Variants in ARVCF observed in about 807,000 individuals in gnomAD.
The protein encoded by ARVCF is ARVCF delta catenin family member.
In ARVCF, 66 loss-of-function variants were observed where a neutral mutation model predicts 90.9. The observed-to-expected ratio is 0.73, with a 90% CI of 0.60 to 0.89. ARVCF has a LOEUF of 0.89. Among genes scored for constraint, ARVCF ranks in the 40% least tolerant of loss-of-function variants. ARVCF has a pLI of 0.00. For synonymous variants in ARVCF, 653 were observed against 603.4 expected, an observed-to-expected ratio of 1.08 and a Z score of -1.21; for missense variants, 1,469 against 1,382.3, an observed-to-expected ratio of 1.06 and a Z score of -1.00.
rs1433662672 is a variant in ARVCF, at chr22:19,978,164, A to G, written c.1581-89T>C. 5.1e-6 allele frequency: 6 copies of G among 1,176,520 alleles called. No homozygotes were observed. In the East Asian group the frequency reaches 1.5e-4, roughly 29 times the overall value. 72.9% of individuals were successfully genotyped at this position (1,176,520 alleles called of 1,614,324 possible). ...CCTTGTGGGCTTGTCTTCATCTGCA[A>G]AATAGGCCCTGCTGCTGCCCTCCTA... On this transcript the variant is annotated intron_variant, in intron 7 of 19. Coordinates refer to ENST00000263207, the MANE Select transcript of ARVCF (RefSeq NM_001670.3).
At position 19,981,551 on chromosome 22, in the gene ARVCF, C is replaced by T. The variant is rs751795468; in HGVS notation, c.556G>A (p.Gly186Arg). 1.3e-5 allele frequency: 21 copies of T among 1,593,986 alleles called. No individual in the cohort carries two copies. Among genetic ancestry groups the T allele is most frequent in the African/African-American group, 4.0e-5 (3 of 74,474 alleles). ...ATLSRAYLSS[G>R]GGFPEGPEPR... is the part of the protein sequence containing the mutation. The stretch of plus-strand genomic sequence containing the variant: ...TCGGGGCCTTCGGGAAAGCCACCCC[C>T]ACTGCTGAGGTAGGCTCGAGAGAGT... The change falls in exon 5 of 20, where the codon GGG (glycine) becomes AGG (arginine). Residue 186 changes from glycine (G) to arginine (R), a missense_variant. Physicochemically the swap from Gly to Arg is moderately radical, Grantham distance 125. Transcript: ENST00000263207.
At chr22:19,971,715 GT>G (rs1942805041) in intron 18 of ARVCF, among the ~76,000 whole-genome samples, 170 bp downstream of exon 18, 1 of 152,196 alleles carries the variant, frequency 6.6e-6, no homozygotes, top group South Asian at 2.1e-4. Context: ...CTGCAAACTT[GT>G]CAGTACCCAC....
intron 7 of ARVCF, 36 bp downstream of exon 7, chr22:19,978,860 TG>T: frequency 6.3e-7 from 1 of 1,584,010 alleles, no homozygotes; most frequent in Non-Finnish European, 8.6e-7. Flanking sequence ...CGGGGCCTGG[TG>T]TGCATGTGGG....
At chr22:19,971,375 GGTTA>G (rs75014374) in intron 18 of ARVCF, 40 bp from the exon 19 acceptor site, 38,573 of 1,533,694 alleles carry the variant, frequency 0.025, 574 homozygotes, top group Middle Eastern at 0.048. Context: ...CAATAGAGCA[GGTTA>G]GTTAGAGCTC....
chr22:20,013,470 G>A (rs375399559), intron 1 of ARVCF, among the ~76,000 whole-genome samples: 2 of 152,286 alleles, frequency 1.3e-5, no homozygotes, highest in African/African-American at 2.4e-5. Flanking sequence ...CCAACTCCAC[G>A]CCCTCAATAG....
At chr22:20,000,152 G>A (rs1248986895) in intron 2 of ARVCF, among the ~76,000 whole-genome samples, 1 of 152,188 alleles carries the variant, frequency 6.6e-6, no homozygotes, top group Non-Finnish European at 1.5e-5. Context: ...GACCCAGCAT[G>A]AAGTAGAGCC....
intron 2 of ARVCF, among the ~76,000 whole-genome samples, chr22:19,991,469 G>A (rs73880056): frequency 0.018 from 2,775 of 152,368 alleles, 70 homozygotes; most frequent in African/African-American, 0.052. Context: ...AGTAAAAACT[G>A]AGGACAAGCC....
intron 2 of ARVCF, among the ~76,000 whole-genome samples, chr22:20,004,964 C>T (rs971321729): frequency 5.3e-5 from 8 of 152,162 alleles, no homozygotes; most frequent in African/African-American, 1.9e-4. Context: ...GGAAAGTCTT[C>T]ATGACACTGG....
At chr22:19,978,181 G>A in intron 7 of ARVCF, 106 bp from the exon 8 acceptor site, 2 of 977,884 alleles carry the variant, frequency 2.0e-6, no homozygotes, top group Non-Finnish European at 1.5e-6. Context: ...CCCTGCTGCT[G>A]CCCTCCTAGC....
At chr22:19,973,583 G>T in intron 13 of ARVCF, 60 bp downstream of exon 13, 1 of 1,555,062 alleles carries the variant, frequency 6.4e-7, no homozygotes. Context: ...CCCTCCGATG[G>T]GACCCCAAAG....
chr22:19,974,599 C>T (rs1358032339), intron 11 of ARVCF, among the ~76,000 whole-genome samples: 1 of 152,020 alleles, frequency 6.6e-6, no homozygotes, highest in Non-Finnish European at 1.5e-5. Flanking sequence ...GTAATAGGGC[C>T]CACCCTCCCT....
rs746878504 is a variant in ARVCF at position 19,973,236 on chromosome 22, T to G, written c.2321A>C (p.Asp774Ala). ...GGTGTTGAGCACCGCCACCACGGTG[T>G]CTTCCTCCAGGCAGGCCCCCGGTCG... ...PPRPGACLEE[D>A]TVVAVLNTIH... Residue 774 changes from aspartate to alanine, a missense_variant, in exon 14 of 20, where the codon GAC becomes GCC. By Grantham distance (126) the Asp-to-Ala change is moderately radical. Transcript: ENST00000263207. The G allele has an allele frequency of 3.7e-6, 6 of 1,610,834 alleles. No homozygotes were observed. Among genetic ancestry groups the G allele is most frequent in the Non-Finnish European group, 5.1e-6 (6 of 1,179,282 alleles).
At chr22:19,993,566 T>A (rs1254063837) in intron 2 of ARVCF, among the ~76,000 whole-genome samples, 1 of 152,202 alleles carries the variant, frequency 6.6e-6, no homozygotes, top group Non-Finnish European at 1.5e-5. Context: ...TGGCCTCCCC[T>A]AACCTGGTAA....
Position 19,979,727 on chromosome 22 carries a change from G to C in ARVCF, c.1396+16C>G. On this transcript the variant is annotated intron_variant, in intron 6 of 19. Transcript: ENST00000263207. ...TCTCTTCCCAGGGGATGTGAGCATG[G>C]CCAGGTCCCACTCACCAGTGACAAG... 1 of 1,583,158 alleles carries C rather than the reference G, an allele frequency of 6.3e-7. No individual in the cohort carries two copies. Among genetic ancestry groups the C allele is most frequent in the Non-Finnish European group, 8.6e-7 (1 of 1,160,770 alleles).
intron 1 of ARVCF, among the ~76,000 whole-genome samples, chr22:20,014,288 C>T (rs1362624826): frequency 2.0e-5 from 3 of 151,956 alleles, no homozygotes; most frequent in Admixed American, 6.6e-5. Flanking sequence ...CTCACCTCCC[C>T]GGTTCAAGCG....
At chr22:19,992,564 G>A (rs767865503) in intron 2 of ARVCF, among the ~76,000 whole-genome samples, 6 of 152,156 alleles carry the variant, frequency 3.9e-5, no homozygotes, top group East Asian at 1.9e-4. Context: ...CGGCCAGGGC[G>A]GATGGCAGGG....
At chr22:19,985,374 G>C (rs533075882) in intron 3 of ARVCF, among the ~76,000 whole-genome samples, 1 of 152,330 alleles carries the variant, frequency 6.6e-6, no homozygotes, top group South Asian at 2.1e-4. Context: ...TTTCCCATGA[G>C]CTCCCTTGGG....
At chr22:19,976,590 A>G in intron 10 of ARVCF, 116 bp downstream of exon 10, 1 of 1,359,190 alleles carries the variant, frequency 7.4e-7, no homozygotes, top group Non-Finnish European at 1.0e-6. Flanking sequence ...TAAAGATGGC[A>G]GCCCGAGTGA....
chr22:19,967,768 G>C (rs1005631971), downstream of ARVCF: 16 of 238,200 alleles, frequency 6.7e-5, no homozygotes, highest in Non-Finnish European at 8.4e-6. Flanking sequence ...CCCTTGCCCT[G>C]GTAGGTCCTT....
Sources: gnomAD v4.1 joint callset for allele counts (sites outside exome capture counted in the v4.1 genomes callset) on GRCh38, gnomAD v4.1.1 for gene constraint, MANE v1.5 for transcripts, NCBI Gene and HGNC (gene_info 2026-07-23, HGNC 2026-07-21) for gene names.